Variants in CCDC192 observed in about 807,000 individuals in gnomAD.
CCDC192 encodes coiled-coil domain-containing protein 192.
At chr5:127,934,531 CA>C (rs1212316254) in intron 6 of CCDC192, among the ~76,000 whole-genome samples, 1 of 152,094 alleles carries the variant, frequency 6.6e-6, no homozygotes, top group East Asian at 1.9e-4. Context: ...CCTTTGAAGT[CA>C]GTCACTTGGC....
chr5:127,704,329 C>T (rs1750839799), intron 1 of CCDC192, among the ~76,000 whole-genome samples: 3 of 152,174 alleles, frequency 2.0e-5, no homozygotes, highest in South Asian at 4.1e-4. Context: ...GCTGGGATTA[C>T]AGGCATCTGC....
intron 5 of CCDC192, among the ~76,000 whole-genome samples, chr5:127,859,945 C>T (rs1188224695): frequency 2.0e-5 from 3 of 152,126 alleles, no homozygotes; most frequent in Non-Finnish European, 4.4e-5. Context: ...TGGTTCCTTA[C>T]CTAGACAATG....
At chr5:127,888,640 G>A (rs536355102) in intron 6 of CCDC192, among the ~76,000 whole-genome samples, 17 of 152,232 alleles carry the variant, frequency 1.1e-4, no homozygotes, top group African/African-American at 3.9e-4. Flanking sequence ...TGTAGTCATA[G>A]AAGCAAAAGT....
intron 5 of CCDC192, among the ~76,000 whole-genome samples, chr5:127,818,673 C>T (rs1421743): frequency 0.02 from 3,061 of 152,088 alleles, 104 homozygotes; most frequent in African/African-American, 0.071. Context: ...ATCAGGTATG[C>T]CAGTGATACC....
intron 1 of CCDC192, among the ~76,000 whole-genome samples, chr5:127,706,927 C>T (rs1180302548): frequency 2.0e-5 from 3 of 152,122 alleles, no homozygotes; most frequent in African/African-American, 7.2e-5. Flanking sequence ...AGTGGATAGA[C>T]TGAAAGTATC....
At chr5:127,834,314 G>T (rs1396459753) in intron 5 of CCDC192, among the ~76,000 whole-genome samples, 1 of 152,048 alleles carries the variant, frequency 6.6e-6, no homozygotes, top group Admixed American at 6.5e-5. Flanking sequence ...AAAATGTATT[G>T]TTCTTTTGTT....
intron 3 of CCDC192, among the ~76,000 whole-genome samples, chr5:127,794,801 A>G (rs182859008): frequency 1.3e-5 from 2 of 152,160 alleles, no homozygotes; most frequent in Non-Finnish European, 2.9e-5. Flanking sequence ...GGATCACATA[A>G]CAAACAGGAT....
intron 5 of CCDC192, among the ~76,000 whole-genome samples, chr5:127,833,715 A>G (rs1028063650): frequency 6.6e-6 from 1 of 152,164 alleles, no homozygotes; most frequent in Admixed American, 6.5e-5. Context: ...TAGAAAACCT[A>G]TATTTTCTAG....
intron 5 of CCDC192, chr5:127,838,610 C>T (rs1750139217): frequency 6.6e-6 from 1 of 152,128 alleles, no homozygotes; most frequent in Admixed American, 6.6e-5. Context: ...TTCTTAGGTC[C>T]ACTGAAACCT....
chr5:127,858,599 C>G (rs984602073), intron 5 of CCDC192, among the ~76,000 whole-genome samples: 19 of 152,180 alleles, frequency 1.2e-4, no homozygotes, highest in Admixed American at 1.2e-3. Context: ...AAGCCAGAGA[C>G]TATGATTGTC....
intron 6 of CCDC192, among the ~76,000 whole-genome samples, chr5:127,921,935 G>A (rs545382049): frequency 3.9e-5 from 6 of 152,216 alleles, no homozygotes; most frequent in East Asian, 1.9e-4. Flanking sequence ...AAACATTGTC[G>A]TGCACTAAAA....
chr5:127,770,575 T>C (rs576107083), intron 3 of CCDC192, among the ~76,000 whole-genome samples: 14 of 152,350 alleles, frequency 9.2e-5, no homozygotes, highest in African/African-American at 3.4e-4. Context: ...TTCCCCTTGC[T>C]CCTGATTGTC....
At chr5:127,744,752 A>C (rs1379974948) in intron 2 of CCDC192, among the ~76,000 whole-genome samples, 1 of 152,220 alleles carries the variant, frequency 6.6e-6, no homozygotes, top group Non-Finnish European at 1.5e-5. Context: ...TAAGCTAGAG[A>C]GTCTTAATAC....
chr5:127,781,742 G>A (rs987656109), intron 3 of CCDC192, among the ~76,000 whole-genome samples: 3 of 152,092 alleles, frequency 2.0e-5, no homozygotes, highest in Non-Finnish European at 4.4e-5. Context: ...TTCTGGAGGT[G>A]TCTTTAGGGT....
intron 5 of CCDC192, among the ~76,000 whole-genome samples, chr5:127,807,976 A>G (rs1326679521): frequency 2.0e-5 from 3 of 152,144 alleles, no homozygotes; most frequent in Admixed American, 6.6e-5. Flanking sequence ...GGAGGATTTT[A>G]TAAGAAACTG....
intron 5 of CCDC192, among the ~76,000 whole-genome samples, chr5:127,841,347 C>T (rs900964021): frequency 1.3e-5 from 2 of 152,168 alleles, no homozygotes; most frequent in Admixed American, 1.3e-4. Context: ...TACTTTCTCT[C>T]AGGGGAAAGA....
chr5:127,704,595 C>T (rs1246732490), intron 1 of CCDC192, among the ~76,000 whole-genome samples: 3 of 152,134 alleles, frequency 2.0e-5, no homozygotes, highest in African/African-American at 7.2e-5. Flanking sequence ...GAGAAATTCA[C>T]AAATCTAAGA....
chr5:127,738,768 G>T (rs1753193586), intron 2 of CCDC192, among the ~76,000 whole-genome samples: 1 of 152,136 alleles, frequency 6.6e-6, no homozygotes, highest in South Asian at 2.1e-4. Context: ...TCGAGCCTTG[G>T]TTTTCAGCTC....
At chr5:127,702,337 A>G (rs79646913), upstream of CCDC192, among the ~76,000 whole-genome samples, 2,841 of 152,090 alleles carry the variant, frequency 0.019, 46 homozygotes, top group African/African-American at 0.045. Flanking sequence ...GCTGCTAACT[A>G]CATGCAAGGC....
Sources: gnomAD v4.1 joint callset for allele counts (sites outside exome capture counted in the v4.1 genomes callset) on GRCh38, gnomAD v4.1.1 for gene constraint, MANE v1.5 for transcripts, NCBI Gene and HGNC (gene_info 2026-07-23, HGNC 2026-07-21) for gene names.